TACC3: variants seen among roughly 807,000 people sequenced by gnomAD.
TACC3 encodes transforming acidic coiled-coil containing protein 3, also known as transforming acidic coiled-coil-containing protein 3.
A neutral mutation model predicts 86.0 loss-of-function variants in TACC3; 52 were observed. That is an observed-to-expected ratio of 0.60 (90% CI 0.48 to 0.76). The LOEUF is 0.76. Ranked by LOEUF, TACC3 falls within the 30% of genes least tolerant of loss-of-function variation. The pLI is 0.00. For synonymous variants in TACC3, 512 were observed against 430.0 expected (o/e 1.19, Z -2.36); for missense variants, 1,120 against 1,070.4 (o/e 1.05, Z -0.65).
chr4:1,739,493 C>T (rs965547594), intron 10 of TACC3: 2 of 590,762 alleles, frequency 3.4e-6, no homozygotes, highest in Non-Finnish European at 3.0e-6. Flanking sequence ...AGCCTCATGC[C>T]TCCTGCCCCC....
chr4:1,727,622 G>A, intron 3 of TACC3, 86 bp from the exon 4 acceptor site: 2 of 1,516,738 alleles, frequency 1.3e-6, no homozygotes, highest in Non-Finnish European at 1.8e-6. Flanking sequence ...GTGTGAGAAT[G>A]TTAAACCTAT....
Position 1,723,574 on chromosome 4 carries a change from A to T in TACC3, c.153A>T (p.Lys51Asn), listed in dbSNP as rs1717528798. 1 of 1,613,206 alleles carries T rather than the reference A, an allele frequency of 6.2e-7. No individual in the cohort carries two copies. The highest frequency in any genetic ancestry group is 8.5e-7 in the Non-Finnish European group (1 of 1,179,660). The change falls in exon 2 of 16, where the codon AAA becomes AAT. Residue 51 changes from lysine to asparagine, a missense_variant. Lys to Asn is a moderately conservative substitution (Grantham distance 94). Coordinates refer to ENST00000313288, the MANE Select transcript of TACC3 (RefSeq NM_006342.3). ...KENVPPKNLA[K>N]AMKVTFQTPL... ...ATGTGCCACCCAAGAACCTGGCCAAAGCTATGAAGGTAAGTGTGACCTGTA... is the reference window on the plus strand; with the variant it reads ...ATGTGCCACCCAAGAACCTGGCCAATGCTATGAAGGTAAGTGTGACCTGTA...
intron 3 of TACC3, among the ~76,000 whole-genome samples, chr4:1,724,858 C>A (rs1717607146): frequency 6.6e-6 from 1 of 151,812 alleles, no homozygotes; most frequent in Non-Finnish European, 1.5e-5. Flanking sequence ...ACCTCCTGGG[C>A]TCAAGCAGTC....
At chr4:1,739,913 G>A (rs760918857) in intron 11 of TACC3, 46 bp from the exon 12 acceptor site, 33 of 1,603,200 alleles carry the variant, frequency 2.1e-5, no homozygotes, top group Middle Eastern at 1.7e-4. Flanking sequence ...GCCTGGGACC[G>A]CTGGGCACCC....
At chr4:1,742,522 T>C (rs930786833) in intron 13 of TACC3, among the ~76,000 whole-genome samples, 1 of 152,198 alleles carries the variant, frequency 6.6e-6, no homozygotes, top group African/African-American at 2.4e-5. Context: ...GAGTATTGCT[T>C]CAATAGAGAC....
chr4:1,741,113 A>G lies in TACC3; in HGVS notation c.2223+127A>G, dbSNP rs1039123672. Reference sequence around the variant, plus strand: ...CCAAGCCTCCCCTTGCCACGGGGGCATGGGATGACCTGTGAACGAGACAGG... The same window carrying G: ...CCAAGCCTCCCCTTGCCACGGGGGCGTGGGATGACCTGTGAACGAGACAGG... On this transcript the variant is annotated intron_variant, in intron 13 of 15. Transcript: ENST00000313288. 4.4e-6 allele frequency: 4 copies of G among 917,214 alleles called. No homozygotes were observed. In the East Asian group the frequency reaches 1.0e-4, roughly 23 times the overall value. 56.8% of individuals were successfully genotyped at this position (917,214 alleles called of 1,614,324 possible).
Position 1,728,618 on chromosome 4 carries a change from G to A in TACC3, c.1216G>A (p.Asp406Asn), listed in dbSNP as rs142494551. The part of the protein sequence containing the change: ...MPASRGSYHL[D>N]WDKMDDPNFI... The stretch of plus-strand genomic sequence containing the variant: ...AGCTTCTCGGGGCTCTTACCACCTC[G>A]ACTGGGACAAAATGGATGACCCAAA... Residue 406 changes from aspartate to asparagine, a missense_variant, in exon 4 of 16, where the codon GAC becomes AAC. Transcript: ENST00000313288. 25 of 1,613,808 alleles carry A rather than the reference G, an allele frequency of 1.5e-5. No homozygotes were observed. The African/African-American group carries it at 2.7e-4, about 17-fold the overall frequency.
chr4:1,740,103 G>A (rs1718509082), intron 12 of TACC3, 101 bp downstream of exon 12: 5 of 1,229,104 alleles, frequency 4.1e-6, no homozygotes, highest in Non-Finnish European at 1.2e-6. Flanking sequence ...ACCCTCCTGA[G>A]GCCCCTTTTC....
intron 3 of TACC3, among the ~76,000 whole-genome samples, chr4:1,726,608 G>T (rs567169091): frequency 4.6e-5 from 7 of 152,300 alleles, no homozygotes; most frequent in Admixed American, 2.0e-4. Flanking sequence ...AGAATTCAGG[G>T]TCATTAAGTG....
At chr4:1,736,422 C>CGAAA (rs1718265865) in intron 8 of TACC3, among the ~76,000 whole-genome samples, 1 of 65,826 alleles carries the variant, frequency 1.5e-5, no homozygotes, top group Non-Finnish European at 2.5e-5. Context: ...GACTCCATCT[C>CGAAA]AAAAAAAAAA....
chr4:1,724,179 C>T (rs532400679), intron 3 of TACC3, among the ~76,000 whole-genome samples: 1 of 151,496 alleles, frequency 6.6e-6, no homozygotes, highest in Non-Finnish European at 1.5e-5. Flanking sequence ...CCGTGTTAGC[C>T]AGGATGGTCT....
At chr4:1,725,627 C>T (rs1356609840) in intron 3 of TACC3, among the ~76,000 whole-genome samples, 1 of 152,228 alleles carries the variant, frequency 6.6e-6, no homozygotes, top group East Asian at 1.9e-4. Context: ...GATCACCCAG[C>T]AGCCTCCATA....
Position 1,735,229 on chromosome 4 carries a change from C to T in TACC3, c.1592-44C>T, listed in dbSNP as rs961203770. The T allele has an allele frequency of 1.9e-6, 3 of 1,612,912 alleles. No individual in the cohort carries two copies. Among genetic ancestry groups the T allele is most frequent in the Admixed American group, 3.3e-5 (2 of 60,008 alleles). On this transcript the variant is annotated intron_variant, in intron 6 of 15. Transcript: ENST00000313288. This position sits in a 1 kb window ranked among gnomAD's most constrained non-coding sequence, Gnocchi z 4.2. ...AGACACCAGCCCGCCGCCCTTAGGG[C>T]CCTGGTGAGGGGCGATGGCGGCGGC...
chr4:1,737,416 G>A, intron 9 of TACC3, 88 bp downstream of exon 9: 3 of 1,369,880 alleles, frequency 2.2e-6, no homozygotes, highest in South Asian at 1.2e-5. Context: ...ATTCCTGGGG[G>A]TCTGAGCCTT....
At chr4:1,740,500 G>A (rs112467360) in intron 12 of TACC3, 36 of 324,464 alleles carry the variant, frequency 1.1e-4, no homozygotes, top group Middle Eastern at 8.6e-4. Flanking sequence ...GGACCACCAC[G>A]AAGCACGACG....
At chr4:1,741,099 C>T (rs1433901815) in intron 13 of TACC3, 113 bp downstream of exon 13, 3 of 1,062,056 alleles carry the variant, frequency 2.8e-6, no homozygotes, top group East Asian at 2.5e-5. Flanking sequence ...CAAGCCTCCC[C>T]TTGCCACGGG....
chr4:1,723,930 C>G (rs1206591340), intron 3 of TACC3, 60 bp downstream of exon 3: 1 of 1,568,610 alleles, frequency 6.4e-7, no homozygotes, highest in East Asian at 2.2e-5. Flanking sequence ...ATGGTTCTTG[C>G]AGGAAAGTGC....
chr4:1,741,185 C>G, intron 13 of TACC3, 199 bp downstream of exon 13: 1 of 500,470 alleles, frequency 2.0e-6, no homozygotes, highest in Non-Finnish European at 3.5e-6. Flanking sequence ...CTGAGGGCGG[C>G]AGGAGGCAGA....
chr4:1,729,415 C>T (rs1178020875), intron 4 of TACC3, among the ~76,000 whole-genome samples: 2 of 152,020 alleles, frequency 1.3e-5, no homozygotes, highest in Non-Finnish European at 2.9e-5. Context: ...CGGTAATGGC[C>T]CCGAATGTCT....
Sources: allele counts gnomAD v4.1 joint callset (sites outside exome capture counted in the v4.1 genomes callset), GRCh38; gene constraint gnomAD v4.1.1; non-coding constraint Gnocchi (gnomAD v3.1); transcripts MANE v1.5; gene names NCBI Gene and HGNC (gene_info 2026-07-23, HGNC 2026-07-21).